MAP3K20: variants seen among roughly 807,000 people sequenced by gnomAD.
MAP3K20 encodes HCCS-4.
MAP3K20 carries 40 observed loss-of-function variants against 85.7 expected under a neutral mutation model. The ratio of observed to expected loss-of-function variants is 0.47; its 90% CI spans 0.36 to 0.61. The LOEUF is 0.61. Among genes scored for constraint, MAP3K20 ranks in the 20% least tolerant of loss-of-function variants. MAP3K20 has a pLI of 0.00. For synonymous variants in MAP3K20, 325 were observed against 327.7 expected (o/e 0.99, Z 0.09); for missense variants, 817 against 961.7 (o/e 0.85, Z 1.99).
intron 6 of MAP3K20, 31 bp downstream of exon 6, chr2:173,190,954 G>T (rs752637386): frequency 6.2e-7 from 1 of 1,607,758 alleles, no homozygotes; most frequent in Non-Finnish European, 8.5e-7. Context: ...TAAAAAAATT[G>T]TTAATTTCAG....
intron 2 of MAP3K20, among the ~76,000 whole-genome samples, chr2:173,106,138 A>G (rs1687776692): frequency 6.6e-6 from 1 of 152,254 alleles, no homozygotes; most frequent in South Asian, 2.1e-4. Context: ...AAGATTTAAT[A>G]TAATCCCAAA....
intron 10 of MAP3K20, chr2:173,211,043 G>A (rs1044300943): frequency 6.6e-6 from 1 of 152,174 alleles, no homozygotes; most frequent in Non-Finnish European, 1.5e-5. Context: ...GAACATTTAA[G>A]TAATATTTGT....
chr2:173,258,779 T>G lies in MAP3K20; in HGVS notation c.1440T>G (p.Thr480=). 6.2e-7 allele frequency: 1 copy of G among 1,612,074 alleles called. No homozygotes were observed. The highest frequency in any genetic ancestry group is 8.5e-7 in the Non-Finnish European group (1 of 1,178,262). ...ITYIKDVTFN[T]NLPDAEILKM... ...ACATAAAAGATGTGACATTCAACAC[T>G]AACCTACCTGATGCGGAGATTTTAA... Residue 480 remains threonine (T), a synonymous_variant, in exon 17 of 20, where the codon ACT becomes ACG. Transcript: ENST00000375213.
Position 173,267,574 on chromosome 2 carries a change from T to C in MAP3K20, c.*824T>C, listed in dbSNP as rs1303047164. On this transcript the variant is annotated 3_prime_UTR_variant, in exon 20 of 20. Transcript: ENST00000375213. ...TACGATTTATCAGAAACCAAAGATT[T>C]AAATTGCCTAGATTTGTGGTTCTTT... 2 of 152,240 alleles carry C rather than the reference T, an allele frequency of 1.3e-5. No individual in the cohort carries two copies. Among genetic ancestry groups the C allele is most frequent in the African/African-American group, 4.8e-5 (2 of 41,460 alleles). The allele number at this position is 152,240 out of a possible 1,614,324, so 9.4% of individuals were successfully genotyped here. A position where few individuals can be genotyped will look rare whatever the true frequency, so the allele number is the denominator to read the frequency against.
chr2:173,230,420 G>T (rs960311828), intron 12 of MAP3K20, among the ~76,000 whole-genome samples: 1 of 152,142 alleles, frequency 6.6e-6, no homozygotes, highest in South Asian at 2.1e-4. Flanking sequence ...CCGCTGAACC[G>T]GCTTTCCTTC....
rs557421013 is a variant in MAP3K20 at position 173,252,017 on chromosome 2, G to A, written c.1360-6682G>A. Among the ~76,000 whole-genome samples, 81 of 152,336 alleles carry A rather than the reference G, an allele frequency of 5.3e-4. 1 individual carries two copies. In the South Asian group the frequency reaches 8.3e-3, roughly 16 times the overall value. On this transcript the variant is annotated intron_variant, in intron 16 of 19. Transcript: ENST00000375213. ...GAGAGAGAGATTGAGATTATTGTCT[G>A]TGAATTGCCCAGAACTTTAAACTCT...
Position 173,120,482 on chromosome 2 carries a change from C to G in MAP3K20, c.159+29292C>G, listed in dbSNP as rs1020593550. Among the ~76,000 whole-genome samples the G allele has an allele frequency of 4.0e-5, 6 of 151,514 alleles. No homozygotes were observed. In the South Asian group the frequency reaches 6.3e-4, roughly 16 times the overall value. ...TAATCACTCCAGTCAGTAGAGTATC[C>G]TCTTTTTCTGCTTGTTGGTTCAGAA... On this transcript the variant is annotated intron_variant, in intron 2 of 19. Transcript: ENST00000375213.
intron 2 of MAP3K20, among the ~76,000 whole-genome samples, chr2:173,169,123 C>T (rs1689926744): frequency 6.6e-6 from 1 of 152,016 alleles, no homozygotes; most frequent in Admixed American, 6.6e-5. Flanking sequence ...ATTATTGACT[C>T]ATCTAACCAA....
At chr2:173,262,543 T>A (rs1254424986) in intron 18 of MAP3K20, among the ~76,000 whole-genome samples, 1 of 151,642 alleles carries the variant, frequency 6.6e-6, no homozygotes, top group Non-Finnish European at 1.5e-5. Flanking sequence ...GAAGTTGTGG[T>A]GAGCTGAGAT....
chr2:173,182,958 A>G lies in MAP3K20; in HGVS notation c.349+3A>G, dbSNP rs1690372909. 2 of 1,599,690 alleles carry G rather than the reference A, an allele frequency of 1.3e-6. No homozygotes were observed. Among genetic ancestry groups the G allele is most frequent in the Non-Finnish European group, 1.7e-6 (2 of 1,172,412 alleles). On this transcript the variant is annotated splice_donor_region_variant and intron_variant, in intron 4 of 19. Transcript: ENST00000375213. Reference sequence around the variant, plus strand: ...CTGGGCCACTGATGTAGCCAAAGGTAATAATATTTGGTATATTCTTATAGA... The same window carrying G: ...CTGGGCCACTGATGTAGCCAAAGGTGATAATATTTGGTATATTCTTATAGA...
intron 3 of MAP3K20, among the ~76,000 whole-genome samples, chr2:173,179,391 C>CAAAA (rs56111907): frequency 1.1e-4 from 14 of 129,486 alleles, no homozygotes; most frequent in South Asian, 2.6e-4. Context: ...GACTCCATCT[C>CAAAA]AAAAAAAAAA....
At chr2:173,168,625 T>A (rs1392941313) in intron 2 of MAP3K20, among the ~76,000 whole-genome samples, 1 of 152,208 alleles carries the variant, frequency 6.6e-6, no homozygotes, top group Non-Finnish European at 1.5e-5. Context: ...ACATTCTTCT[T>A]GATGATCCTC....
At chr2:173,213,719 T>C (rs537676740) in intron 10 of MAP3K20, among the ~76,000 whole-genome samples, 1 of 152,346 alleles carries the variant, frequency 6.6e-6, no homozygotes, top group Non-Finnish European at 1.5e-5. Flanking sequence ...ACAGTGCGGT[T>C]ACTAGACTTG....
At chr2:173,134,246 C>T (rs1330388532) in intron 2 of MAP3K20, among the ~76,000 whole-genome samples, 1 of 142,280 alleles carries the variant, frequency 7.0e-6, no homozygotes, top group Non-Finnish European at 1.5e-5. Flanking sequence ...ACTGGAGTGC[C>T]GTGGCGTGAT....
intron 10 of MAP3K20, 128 bp downstream of exon 10, chr2:173,209,963 G>C (rs1375825424): frequency 1.2e-6 from 1 of 856,026 alleles, no homozygotes; most frequent in African/African-American, 1.7e-5. Flanking sequence ...AAAAAGAAAA[G>C]GTTTTTTTTA....
At chr2:173,175,639 T>A (rs1420490666) in intron 3 of MAP3K20, among the ~76,000 whole-genome samples, 1 of 152,172 alleles carries the variant, frequency 6.6e-6, no homozygotes, top group Middle Eastern at 3.2e-3. Context: ...AGAAAAAAAT[T>A]CCAAAGAGTT....
In MAP3K20 at chr2:173,267,882, G is replaced by C. The variant is rs1359573295; in HGVS notation, c.*1132G>C. 3.3e-5 allele frequency: 5 copies of C among 152,222 alleles called. No homozygotes were observed. Among genetic ancestry groups the C allele is most frequent in the Admixed American group, 3.3e-4 (5 of 15,286 alleles). 9.4% of individuals were successfully genotyped at this position (152,222 alleles called of 1,614,324 possible). A position where few individuals can be genotyped will look rare whatever the true frequency, so the allele number is the denominator to read the frequency against. On this transcript the variant is annotated 3_prime_UTR_variant, in exon 20 of 20. Coordinates refer to ENST00000375213, the MANE Select transcript of MAP3K20 (RefSeq NM_016653.3). ...AGAGGTAAACCAGTGGGGGTGCAAGGAGACTGTCTGCAGCTTAGGGCAGAA... is the reference window on the plus strand; with the variant it reads ...AGAGGTAAACCAGTGGGGGTGCAAGCAGACTGTCTGCAGCTTAGGGCAGAA...
intron 2 of MAP3K20, among the ~76,000 whole-genome samples, chr2:173,141,929 A>G (rs1471342977): frequency 6.6e-6 from 1 of 152,246 alleles, no homozygotes; most frequent in Non-Finnish European, 1.5e-5. Flanking sequence ...TAATATGCCA[A>G]AAGAAAAAAG....
chr2:173,179,912 A>G (rs1257547989), intron 3 of MAP3K20, among the ~76,000 whole-genome samples: 1 of 152,224 alleles, frequency 6.6e-6, no homozygotes, highest in Non-Finnish European at 1.5e-5. Context: ...TATAAATTTA[A>G]CAAAATAAGT....
Sources: allele counts gnomAD v4.1 joint callset (sites outside exome capture counted in the v4.1 genomes callset), GRCh38; gene constraint gnomAD v4.1.1; transcripts MANE v1.5; gene names NCBI Gene and HGNC (gene_info 2026-07-23, HGNC 2026-07-21).